The following WIZ variants were observed in gnomAD, a reference collection of about 807,000 sequenced individuals.
WIZ encodes the protein WIZ zinc finger, also known as protein Wiz.
WIZ carries 25 observed loss-of-function variants against 140.2 expected under a neutral mutation model. The ratio of observed to expected loss-of-function variants is 0.18; its 90% CI spans 0.13 to 0.25. The LOEUF (loss-of-function observed/expected upper bound fraction) is 0.25, where lower values mean the gene tolerates loss of function less well. Among genes scored for constraint, WIZ ranks in the 10% least tolerant of loss-of-function variants. The pLI is 1.00. For synonymous variants in WIZ, 1,125 were observed against 1,154.3 expected (o/e 0.97, Z 0.51); for missense variants, 2,231 against 2,632.6 (o/e 0.85, Z 3.34).
chr19:15,449,034 G>C (rs1428619027), intron 1 of WIZ, among the ~76,000 whole-genome samples: 1 of 151,754 alleles, frequency 6.6e-6, no homozygotes, highest in Admixed American at 6.6e-5. Flanking sequence ...TGCATACCCA[G>C]CTTGGGCTCC....
intron 7 of WIZ, 132 bp downstream of exon 7, chr19:15,429,454 G>T: frequency 1.9e-6 from 2 of 1,047,722 alleles, no homozygotes; most frequent in Non-Finnish European, 2.5e-6. Context: ...GGCCTGGCTG[G>T]CCCAGGACAT....
intron 5 of WIZ, chr19:15,432,515 G>T: frequency 1.0e-6 from 1 of 962,158 alleles, no homozygotes; most frequent in Non-Finnish European, 1.2e-6. Flanking sequence ...GGCGGTGGCG[G>T]TGGTGGTGGC....
rs1370134287 is a variant in WIZ, at chr19:15,422,017, G to A, written c.*1059C>T. On this transcript the variant is annotated 3_prime_UTR_variant, in exon 13 of 13. Transcript: ENST00000673675. ...TGGCGCTCTGGACAGAGGAGGCCCCGATCCCAGCCCCGGCTGCCAGCCAAT... is the reference window on the plus strand; with the variant it reads ...TGGCGCTCTGGACAGAGGAGGCCCCAATCCCAGCCCCGGCTGCCAGCCAAT... 3.9e-5 allele frequency: 6 copies of A among 152,332 alleles called. No homozygotes were observed. The highest frequency in any genetic ancestry group is 1.2e-4 in the African/African-American group (5 of 41,580). 9.4% of individuals were successfully genotyped at this position (152,332 alleles called of 1,614,324 possible).
At chr19:15,426,351 A>C (rs889715280) in intron 9 of WIZ, among the ~76,000 whole-genome samples, 27 of 152,170 alleles carry the variant, frequency 1.8e-4, no homozygotes, top group Non-Finnish European at 1.0e-4. Context: ...GAATGAACAC[A>C]GTGCTGGTGT....
chr19:15,445,866 G>C (rs1051823807), intron 2 of WIZ, among the ~76,000 whole-genome samples: 1 of 152,168 alleles, frequency 6.6e-6, no homozygotes, highest in Non-Finnish European at 1.5e-5. Flanking sequence ...CTCTTGGGGG[G>C]CTCTGAGGGC....
Position 15,424,666 on chromosome 19 carries a change from G to C in WIZ, c.5261C>G (p.Ala1754Gly), listed in dbSNP as rs1362478495. The change falls in exon 11 of 13, where the codon GCC becomes GGC. Residue 1754 changes from alanine (A) to glycine (G), a missense_variant. Around this residue, in one of 15 missense-constraint regions of WIZ, gnomAD observed 299 missense variants for 309.6 expected, o/e 0.97. Coordinates refer to ENST00000673675, the MANE Select transcript of WIZ (RefSeq NM_001371589.1). The surrounding 1 kb of genome is among the most constrained non-coding windows in gnomAD (Gnocchi z 9.7). ...AADGGERPLA[A>G]SPPGTVKAEE... ...AGCCTTCACGGTGCCTGGCGGGCTGGCTGCCAGAGGCCGCTCACCACCGTC... is the reference window on the plus strand; with the variant it reads ...AGCCTTCACGGTGCCTGGCGGGCTGCCTGCCAGAGGCCGCTCACCACCGTC... 1.3e-6 allele frequency: 2 copies of C among 1,590,108 alleles called. No individual in the cohort carries two copies. Among genetic ancestry groups the C allele is most frequent in the Non-Finnish European group, 1.7e-6 (2 of 1,177,034 alleles).
Position 15,442,731 on chromosome 19 carries a change from C to T in WIZ, c.223G>A (p.Gly75Ser), listed in dbSNP as rs1308238003. The T allele has an allele frequency of 4.9e-6, 6 of 1,232,152 alleles. No homozygotes were observed. The highest frequency in any genetic ancestry group is 1.6e-5 in the African/African-American group (1 of 64,404). 76.3% of individuals were successfully genotyped at this position (1,232,152 alleles called of 1,614,324 possible). ...ACACGGGGGAGGGCTTCGCTGAGGC[C>T]GGGATGGGGCTGCCCGTCTGCAACA... ...GGISDGQPHP[G>S]LSEALPRVTS... Residue 75 changes from glycine to serine, a missense_variant, in exon 3 of 13, where the codon GGC (glycine) becomes AGC (serine). By Grantham distance (56) the Gly-to-Ser change is moderately conservative. Coordinates refer to ENST00000673675, the MANE Select transcript of WIZ (RefSeq NM_001371589.1). The surrounding 1 kb of genome is among the most constrained non-coding windows in gnomAD (Gnocchi z 5.5).
chr19:15,432,648 C>T (rs1286172921), intron 5 of WIZ: 1 of 149,346 alleles, frequency 6.7e-6, no homozygotes, highest in African/African-American at 2.4e-5. Context: ...CGCGCGGCCC[C>T]GCCGCCGCCT....
intron 5 of WIZ, 77 bp downstream of exon 5, chr19:15,436,729 C>T (rs1261409225): frequency 1.4e-6 from 2 of 1,402,108 alleles, no homozygotes; most frequent in African/African-American, 1.5e-5. Flanking sequence ...AGCGGCTGCC[C>T]CTCCAGCCCC....
At chr19:15,444,366 G>A (rs1413443493) in intron 2 of WIZ, among the ~76,000 whole-genome samples, 1 of 152,120 alleles carries the variant, frequency 6.6e-6, no homozygotes, top group African/African-American at 2.4e-5. Context: ...GGTGGTGGGG[G>A]TATGGAAATT....
In WIZ at chr19:15,430,082, G is replaced by A. The variant is rs1409343147; in HGVS notation, c.2919C>T (p.Ser973=). The change falls in exon 7 of 13, where the codon AGC becomes AGT. Residue 973 remains serine (S), a synonymous_variant. Transcript: ENST00000673675. Reference sequence around the variant, plus strand: ...CACCGCAGACCTCGCAGGTGGTCAGGCTCTGGGCTGAAGGGCAACACAGAG... The same window carrying A: ...CACCGCAGACCTCGCAGGTGGTCAGACTCTGGGCTGAAGGGCAACACAGAG... ...KQELQDLKAQ[S]LTTCEVCGAC... is the part of the protein sequence containing the mutation. 6.6e-7 allele frequency: 1 copy of A among 1,526,106 alleles called. No homozygotes were observed. Among genetic ancestry groups the A allele is most frequent in the East Asian group, 2.5e-5 (1 of 40,736 alleles). The allele number at this position is 1,526,106 out of a possible 1,614,324, so 94.5% of individuals were successfully genotyped here.
chr19:15,448,016 C>G (rs547527618), intron 2 of WIZ, 87 bp downstream of exon 2: 199 of 1,460,134 alleles, frequency 1.4e-4, no homozygotes, highest in Admixed American at 1.0e-3. Flanking sequence ...CCAGCTCAGC[C>G]GCTGCTGCGC....
Position 15,426,832 on chromosome 19 carries a change from A to C in WIZ, c.4366+150T>G. On this transcript the variant is annotated intron_variant, in intron 9 of 12. Coordinates refer to ENST00000673675, the MANE Select transcript of WIZ (RefSeq NM_001371589.1). ...CAGCAGCTCAGTTGCAGGGGTCTGC[A>C]TAGCAGGAATACACAGCTAACCCTG... The C allele has an allele frequency of 4.6e-6, 4 of 873,782 alleles. No homozygotes were observed. The East Asian group carries it at 7.8e-5, about 17-fold the overall frequency. The allele number at this position is 873,782 out of a possible 1,614,324, so 54.1% of individuals were successfully genotyped here.
chr19:15,440,797 C>T lies in WIZ; in HGVS notation c.279-82G>A. 2 of 1,380,308 alleles carry T rather than the reference C, an allele frequency of 1.4e-6. No individual in the cohort carries two copies. The highest frequency in any genetic ancestry group is 1.9e-6 in the Non-Finnish European group (2 of 1,049,914). The allele number at this position is 1,380,308 out of a possible 1,614,324, so 85.5% of individuals were successfully genotyped here. ...GGGTGGTGATGGGGGTCCTCCCAGGCCGTTTGAAGCAGGCCCCGGAGATCC... is the reference window on the plus strand; with the variant it reads ...GGGTGGTGATGGGGGTCCTCCCAGGTCGTTTGAAGCAGGCCCCGGAGATCC... On this transcript the variant is annotated intron_variant, in intron 3 of 12. Transcript: ENST00000673675. This position sits in a 1 kb window ranked among gnomAD's most constrained non-coding sequence, Gnocchi z 6.2.
chr19:15,439,685 CA>C lies in WIZ; in HGVS notation c.1308del (p.Phe436LeufsTer48). ...GGGCTGCCAGCCCCGCTGCTGCCTC[CA>C]AAAGGCTCTTTGGTGGTCTGGCCTG... ...EPPGQTTKEP[F>X]GGSSGAGSPS... On this transcript the variant is annotated frameshift_variant, in exon 4 of 13. Transcript: ENST00000673675. LOFTEE classifies it high-confidence loss of function. This position sits in a 1 kb window ranked among gnomAD's most constrained non-coding sequence, Gnocchi z 7.0. The C allele has an allele frequency of 1.3e-6, 2 of 1,502,094 alleles. No individual in the cohort carries two copies. Among genetic ancestry groups the C allele is most frequent in the Admixed American group, 2.3e-5 (1 of 43,868 alleles). The allele number at this position is 1,502,094 out of a possible 1,614,324, so 93.0% of individuals were successfully genotyped here.
chr19:15,448,004 TC>T, intron 2 of WIZ, 98 bp downstream of exon 2: 1 of 1,384,318 alleles, frequency 7.2e-7, no homozygotes, highest in Non-Finnish European at 1.0e-6. Flanking sequence ...GGAATCAGCA[TC>T]CCAGCTCAGC....
intron 5 of WIZ, among the ~76,000 whole-genome samples, chr19:15,434,377 C>T (rs1969437719): frequency 6.6e-6 from 1 of 150,974 alleles, no homozygotes; most frequent in African/African-American, 2.4e-5. Context: ...CTGGCTAACA[C>T]GGTGAAACCC....
Position 15,424,296 on chromosome 19 carries a change from C to T in WIZ, c.5397G>A (p.Leu1799=), listed in dbSNP as rs1291803132. ...GEDTNDLQQK[L]EEVRQPPPRV... ...GGGGTGGGGGTTGCCGCACCTCCTCCAGCTTCTGCTGTAGGTCATTGGTGT... is the reference window on the plus strand; with the variant it reads ...GGGGTGGGGGTTGCCGCACCTCCTCTAGCTTCTGCTGTAGGTCATTGGTGT... Residue 1799 remains leucine, a synonymous_variant, in exon 12 of 13, where the codon CTG becomes CTA. Coordinates refer to ENST00000673675, the MANE Select transcript of WIZ (RefSeq NM_001371589.1). The surrounding 1 kb of genome is among the most constrained non-coding windows in gnomAD (Gnocchi z 9.7). 5 of 1,596,686 alleles carry T rather than the reference C, an allele frequency of 3.1e-6. No individual in the cohort carries two copies. Among genetic ancestry groups the T allele is most frequent in the Non-Finnish European group, 4.3e-6 (5 of 1,174,014 alleles).
intron 5 of WIZ, chr19:15,433,371 C>T: frequency 2.0e-6 from 2 of 985,268 alleles, no homozygotes; most frequent in Non-Finnish European, 2.4e-6. Context: ...ACCTGGCACC[C>T]GCCCCCTCCT....
Sources: allele counts gnomAD v4.1 joint callset (sites outside exome capture counted in the v4.1 genomes callset), GRCh38; gene constraint gnomAD v4.1.1; regional missense constraint gnomAD v4.1.1; non-coding constraint Gnocchi (gnomAD v3.1); transcripts MANE v1.5; gene names NCBI Gene and HGNC (gene_info 2026-07-23, HGNC 2026-07-21).